Variants in USP29 observed in about 807,000 individuals in gnomAD.
The protein encoded by USP29 is ubiquitin carboxyl-terminal hydrolase 29.
For synonymous variants in USP29, 386 were observed against 387.4 expected, an observed-to-expected ratio of 1.00 and a Z score of 0.04; for missense variants, 1,102 against 1,069.0, an observed-to-expected ratio of 1.03 and a Z score of -0.43.
In USP29 at chr19:57,130,059, A is replaced by G; in HGVS notation, c.1384A>G (p.Thr462Ala). Residue 462 changes from threonine to alanine, a missense_variant, in exon 4 of 4, where the codon ACA becomes GCA. By Grantham distance (58) the Thr-to-Ala change is moderately conservative (BLOSUM62 0). Coordinates refer to ENST00000254181, the MANE Select transcript of USP29 (RefSeq NM_020903.3). ...TCTCTCCATCAACCTGCACCAAGAAACAAAACCACTTCCTTTGTCCATTCA... is the reference window on the plus strand; with the variant it reads ...TCTCTCCATCAACCTGCACCAAGAAGCAAAACCACTTCCTTTGTCCATTCA... Reference protein sequence around the residue: ...NYLSINLHQETKPLPLSIQNS... With the variant: ...NYLSINLHQEAKPLPLSIQNS... 1 of 1,613,654 alleles carries G rather than the reference A, an allele frequency of 6.2e-7. No individual in the cohort carries two copies. Among genetic ancestry groups the G allele is most frequent in the East Asian group, 2.2e-5 (1 of 44,874 alleles).
chr19:57,123,426 G>C (rs2086807969), intron 2 of USP29, among the ~76,000 whole-genome samples: 1 of 152,048 alleles, frequency 6.6e-6, no homozygotes, highest in East Asian at 1.9e-4. Flanking sequence ...AATTAATTTT[G>C]AGCCATTTTA....
chr19:57,131,883 T>C lies in USP29; in HGVS notation c.*439T>C, dbSNP rs1172164994. 5.6e-6 allele frequency: 1 copy of C among 177,188 alleles called. No homozygotes were observed. The highest frequency in any genetic ancestry group is 2.4e-5 in the African/African-American group (1 of 41,710). The allele number at this position is 177,188 out of a possible 1,614,324, so 11.0% of individuals were successfully genotyped here. ...GGAGTATCTTGGTGTATTTTGCTACTGTTGATATGGATTGCTTATGTTATA... is the reference window on the plus strand; with the variant it reads ...GGAGTATCTTGGTGTATTTTGCTACCGTTGATATGGATTGCTTATGTTATA... On this transcript the variant is annotated 3_prime_UTR_variant, in exon 4 of 4. Coordinates refer to ENST00000254181, the MANE Select transcript of USP29 (RefSeq NM_020903.3).
intron 3 of USP29, among the ~76,000 whole-genome samples, chr19:57,124,350 T>TTC (rs912047099): frequency 4.0e-5 from 6 of 151,572 alleles, no homozygotes; most frequent in Admixed American, 3.3e-4. Flanking sequence ...ATGTTTTTTT[T>TTC]TTTTTCACTC....
chr19:57,121,454 T>C (rs963731337), intron 1 of USP29, among the ~76,000 whole-genome samples: 2 of 145,554 alleles, frequency 1.4e-5, no homozygotes, highest in Non-Finnish European at 3.0e-5. Context: ...ATATATGTTA[T>C]ATATACTTAT....
rs139876090 is a variant in USP29 at position 57,122,638 on chromosome 19, T to A, written c.-118+164T>A. ...TGTCAGATATTGTGATGAGGGGAAT[T>A]TCATCTTCTACCCTTTATGAGGTTG... On this transcript the variant is annotated intron_variant, in intron 2 of 3. Transcript: ENST00000254181. 4.5e-4 allele frequency among the ~76,000 whole-genome samples: 69 copies of A among 151,858 alleles called. 1 individual carries two copies. The East Asian group carries it at 0.013, about 28-fold the overall frequency.
In USP29 at chr19:57,129,637, A is replaced by G. The variant is rs1322092153; in HGVS notation, c.962A>G (p.Glu321Gly). The change falls in exon 4 of 4, where the codon GAA (glutamate) becomes GGA (glycine). Residue 321 changes from glutamate (E) to glycine (G), a missense_variant. Glu to Gly is a moderately conservative substitution (Grantham distance 98). Transcript: ENST00000254181. ...TTACTCACTCAAGGTGTCCCATGGG[A>G]ATATATTCCCTTTGAGGCTCTTATT... ...DDLLTQGVPW[E>G]YIPFEALIMT... 1.2e-6 allele frequency: 2 copies of G among 1,614,184 alleles called. No homozygotes were observed. The highest frequency in any genetic ancestry group is 3.3e-5 in the Admixed American group (2 of 60,012).
Position 57,129,398 on chromosome 19 carries a change from T to G in USP29, c.723T>G (p.Thr241=), listed in dbSNP as rs1390726330. 2 of 1,614,114 alleles carry G rather than the reference T, an allele frequency of 1.2e-6. No individual in the cohort carries two copies. The highest frequency in any genetic ancestry group is 2.7e-5 in the African/African-American group (2 of 74,934). The part of the protein sequence containing the change: ...NCNGNPNLDE[T]VLATQTLNAK... ...ATGGAAATCCTAACCTAGATGAGAC[T>G]GTTCTTGCAACCCAGACTCTCAATG... is the stretch of plus-strand genomic sequence containing the variant. Residue 241 remains threonine, a synonymous_variant, in exon 4 of 4, where the codon ACT becomes ACG. Transcript: ENST00000254181.
rs2086852462 is a variant in USP29 at position 57,130,582 on chromosome 19, G to C, written c.1907G>C (p.Arg636Thr). The C allele has an allele frequency of 1.2e-6, 2 of 1,614,180 alleles. No homozygotes were observed. The highest frequency in any genetic ancestry group is 1.7e-6 in the Non-Finnish European group (2 of 1,180,038). The change falls in exon 4 of 4, where the codon AGA becomes ACA. Residue 636 changes from arginine (R) to threonine (T), a missense_variant. Arg to Thr is a moderately conservative substitution (Grantham distance 71). Coordinates refer to ENST00000254181, the MANE Select transcript of USP29 (RefSeq NM_020903.3). ...CTAGAGTCAGAATTGGTCCACTTTAGAGATAGGGCAATCGGTGAAAAGGAG... is the reference window on the plus strand; with the variant it reads ...CTAGAGTCAGAATTGGTCCACTTTACAGATAGGGCAATCGGTGAAAAGGAG... ...SALESELVHFRDRAIGEKELP... is the reference protein window; with the variant it reads ...SALESELVHFTDRAIGEKELP...
In USP29 at chr19:57,130,060, C is replaced by G. The variant is rs756677087; in HGVS notation, c.1385C>G (p.Thr462Arg). 1.2e-6 allele frequency: 2 copies of G among 1,613,536 alleles called. No individual in the cohort carries two copies. Among genetic ancestry groups the G allele is most frequent in the Non-Finnish European group, 8.5e-7 (1 of 1,179,810 alleles). Residue 462 changes from threonine (T) to arginine (R), a missense_variant, in exon 4 of 4, where the codon ACA (threonine) becomes AGA (arginine). Transcript: ENST00000254181. ...CTCTCCATCAACCTGCACCAAGAAA[C>G]AAAACCACTTCCTTTGTCCATTCAG... ...NYLSINLHQE[T>R]KPLPLSIQNS...
rs570833635 is a variant in USP29, at chr19:57,131,578, TG to T, written c.*139del. ...AAATCTCAATGAAAAACACTTATTT[TG>T]GGGGAATATCTATTTTAACTGCTTC... On this transcript the variant is annotated 3_prime_UTR_variant, in exon 4 of 4. Transcript: ENST00000254181. 618 of 1,394,904 alleles carry T rather than the reference TG, an allele frequency of 4.4e-4. 3 individuals are homozygous for T. In the African/African-American group the frequency reaches 8.0e-3, roughly 18 times the overall value. The allele number at this position is 1,394,904 out of a possible 1,614,324, so 86.4% of individuals were successfully genotyped here. A position where few individuals can be genotyped will look rare whatever the true frequency, so the allele number is the denominator to read the frequency against.
chr19:57,121,089 C>T (rs983113417), intron 1 of USP29, among the ~76,000 whole-genome samples: 40 of 149,618 alleles, frequency 2.7e-4, no homozygotes, highest in African/African-American at 2.5e-5. Flanking sequence ...AGTGAGACTC[C>T]ATCCCCGCTC....
intron 3 of USP29, among the ~76,000 whole-genome samples, chr19:57,127,363 G>A (rs766261152): frequency 6.6e-6 from 1 of 152,198 alleles, no homozygotes; most frequent in Non-Finnish European, 1.5e-5. Flanking sequence ...GATTAAATCT[G>A]CTGAAGCTGT....
Position 57,130,902 on chromosome 19 carries a change from A to G in USP29, c.2227A>G (p.Ile743Val), listed in dbSNP as rs1303853277. 1 of 1,614,184 alleles carries G rather than the reference A, an allele frequency of 6.2e-7. No individual in the cohort carries two copies. The highest frequency in any genetic ancestry group is 1.1e-5 in the South Asian group (1 of 91,078). ...CCAGCAGTGTATTGAGGAGAGCATC[A>G]TAGATGAATTTCTTCAGCAGGCACC... is the stretch of plus-strand genomic sequence containing the variant. ...QLQQCIEESI[I>V]DEFLQQAPPP... Residue 743 changes from isoleucine (I) to valine (V), a missense_variant, in exon 4 of 4, where the codon ATA (isoleucine) becomes GTA (valine). Transcript: ENST00000254181.
intron 1 of USP29, among the ~76,000 whole-genome samples, chr19:57,120,788 C>CGAAAA (rs1192840761): frequency 5.1e-4 from 16 of 31,146 alleles, no homozygotes; most frequent in African/African-American, 1.7e-3. Flanking sequence ...GACTCCGTCT[C>CGAAAA]AAAAAAAAAA....
Position 57,129,901 on chromosome 19 carries a change from A to G in USP29, c.1226A>G (p.Gln409Arg). 1 of 1,614,184 alleles carries G rather than the reference A, an allele frequency of 6.2e-7. No individual in the cohort carries two copies. The highest frequency in any genetic ancestry group is 8.5e-7 in the Non-Finnish European group (1 of 1,180,026). ...TGTGGGGATGAAAATTCATCTCCAC[A>G]AATGCATGTTGGTAGTGCTGCCACC... ...KECGDENSSPQMHVGSAATKV... is the reference protein window; with the variant it reads ...KECGDENSSPRMHVGSAATKV... The change falls in exon 4 of 4, where the codon CAA becomes CGA. Residue 409 changes from glutamine to arginine, a missense_variant. Coordinates refer to ENST00000254181, the MANE Select transcript of USP29 (RefSeq NM_020903.3).
At chr19:57,123,201 T>C (rs1019688715) in intron 2 of USP29, among the ~76,000 whole-genome samples, 1 of 152,206 alleles carries the variant, frequency 6.6e-6, no homozygotes. Flanking sequence ...CTATGTTAAA[T>C]GTAATAAAAT....
intron 2 of USP29, among the ~76,000 whole-genome samples, chr19:57,123,461 C>T (rs549487685): frequency 6.6e-6 from 1 of 152,204 alleles, no homozygotes; most frequent in Admixed American, 6.5e-5. Flanking sequence ...CCTAAGAAGT[C>T]GCTATTATTG....
chr19:57,125,254 C>T (rs573580184), intron 3 of USP29, among the ~76,000 whole-genome samples: 14 of 152,154 alleles, frequency 9.2e-5, no homozygotes, highest in African/African-American at 2.4e-4. Flanking sequence ...TTATGATTTC[C>T]GTTCTTTTGC....
Position 57,124,118 on chromosome 19 carries a change from T to G in USP29, c.-38T>G, listed in dbSNP as rs2086811097. ...AAAGCTTAAACTTCAGTAAATTGAC[T>G]CAAGTTTCTTCGGAAAGAACTGTGA... is the stretch of plus-strand genomic sequence containing the variant. On this transcript the variant is annotated 5_prime_UTR_variant, in exon 3 of 4. Coordinates refer to ENST00000254181, the MANE Select transcript of USP29 (RefSeq NM_020903.3). The G allele has an allele frequency of 6.6e-6, 1 of 152,170 alleles. No homozygotes were observed. Among genetic ancestry groups the G allele is most frequent in the South Asian group, 2.1e-4 (1 of 4,832 alleles). The allele number at this position is 152,170 out of a possible 1,614,324, so 9.4% of individuals were successfully genotyped here.
Sources: gnomAD v4.1 joint callset for allele counts (sites outside exome capture counted in the v4.1 genomes callset) on GRCh38, gnomAD v4.1.1 for gene constraint, MANE v1.5 for transcripts, NCBI Gene and HGNC (gene_info 2026-07-23, HGNC 2026-07-21) for gene names.